BANK1: variants seen among roughly 807,000 people sequenced by gnomAD.
BANK1 encodes B cell scaffold protein with ankyrin repeats 1.
BANK1 carries 95 observed loss-of-function variants against 94.5 expected under a neutral mutation model. That is an observed-to-expected ratio of 1.00 (90% CI 0.85 to 1.19). The LOEUF is 1.19. Among genes scored for constraint, BANK1 ranks in the 50% most tolerant of loss-of-function variants. The pLI, the probability that BANK1 is intolerant of heterozygous loss-of-function variation, is 0.00. For missense variants in BANK1, 987 were observed against 932.2 expected, an observed-to-expected ratio of 1.06 and a Z score of -0.77; for synonymous variants, 334 against 308.4, an observed-to-expected ratio of 1.08 and a Z score of -0.87.
rs1409123226 is a variant in BANK1, at chr4:102,045,975, G to A, written c.1969+2068G>A. 2.2e-3 allele frequency among the ~76,000 whole-genome samples: 321 copies of A among 146,990 alleles called. 1 individual carries two copies. The highest frequency in any genetic ancestry group is 3.8e-3 in the Non-Finnish European group (255 of 66,634). ...TTCATATGGAACCAAAAAAGAGCCC[G>A]CATTGCCAAGTCAATCCTAAGCCAA... On this transcript the variant is annotated intron_variant, in intron 11 of 16. Coordinates refer to ENST00000322953, the MANE Select transcript of BANK1 (RefSeq NM_017935.5).
At chr4:101,958,670 G>T (rs541499018) in intron 7 of BANK1, among the ~76,000 whole-genome samples, 1 of 152,236 alleles carries the variant, frequency 6.6e-6, no homozygotes, top group Non-Finnish European at 1.5e-5. Context: ...AATGAATTCT[G>T]ATGAGCTAAG....
At chr4:102,010,391 C>A (rs916258866) in intron 7 of BANK1, among the ~76,000 whole-genome samples, 2 of 130,450 alleles carry the variant, frequency 1.5e-5, no homozygotes, top group South Asian at 2.5e-4. Flanking sequence ...TGATTAATTT[C>A]TTTTTTTTTT....
At chr4:101,913,499 A>G (rs1722735052) in intron 6 of BANK1, among the ~76,000 whole-genome samples, 1 of 152,200 alleles carries the variant, frequency 6.6e-6, no homozygotes, top group Admixed American at 6.5e-5. Context: ...CCACACATGG[A>G]CCGCAAGCTC....
intron 10 of BANK1, among the ~76,000 whole-genome samples, chr4:102,032,620 T>C (rs908786154): frequency 3.3e-5 from 5 of 152,068 alleles, no homozygotes; most frequent in Non-Finnish European, 5.9e-5. Context: ...TGGTGGATCA[T>C]GTCTGTAATC....
At chr4:101,944,324 G>A (rs959731934) in intron 7 of BANK1, among the ~76,000 whole-genome samples, 4 of 151,760 alleles carry the variant, frequency 2.6e-5, no homozygotes, top group African/African-American at 9.7e-5. Context: ...TCTTCCCTCA[G>A]CTTCAGCCAT....
intron 7 of BANK1, among the ~76,000 whole-genome samples, chr4:102,007,244 T>C (rs1726338186): frequency 6.9e-6 from 1 of 145,538 alleles, no homozygotes; most frequent in Non-Finnish European, 1.5e-5. Flanking sequence ...AAAATGTATA[T>C]CTGGACAGAT....
At chr4:101,882,949 A>G (rs547046832) in intron 5 of BANK1, among the ~76,000 whole-genome samples, 2 of 152,306 alleles carry the variant, frequency 1.3e-5, no homozygotes, top group East Asian at 1.9e-4. Context: ...TACTTGTTCC[A>G]TATTCCTGAT....
At chr4:101,924,062 GGTT>G (rs780629315) in intron 7 of BANK1, among the ~76,000 whole-genome samples, 45 of 151,690 alleles carry the variant, frequency 3.0e-4, no homozygotes, top group Middle Eastern at 3.2e-3. Context: ...GCTTTGCACA[GGTT>G]GTATGCTTAA....
chr4:101,881,214 A>G (rs1728663408), intron 5 of BANK1, among the ~76,000 whole-genome samples: 2 of 152,120 alleles, frequency 1.3e-5, no homozygotes, highest in Non-Finnish European at 1.5e-5. Flanking sequence ...AGGAGCTCAA[A>G]CAACCCTATG....
At chr4:102,015,676 C>T (rs1483884036) in intron 7 of BANK1, among the ~76,000 whole-genome samples, 1 of 152,128 alleles carries the variant, frequency 6.6e-6, no homozygotes, top group East Asian at 1.9e-4. Context: ...CAGAAACTTA[C>T]ATGCCATGTT....
At chr4:101,834,328 T>C (rs1042672203) in intron 2 of BANK1, among the ~76,000 whole-genome samples, 1 of 152,162 alleles carries the variant, frequency 6.6e-6, no homozygotes, top group Admixed American at 6.5e-5. Context: ...TTTCTTAGAG[T>C]AACTTAGATG....
chr4:101,793,741 C>A (rs555187682), intron 1 of BANK1, among the ~76,000 whole-genome samples: 1 of 152,130 alleles, frequency 6.6e-6, no homozygotes, highest in African/African-American at 2.4e-5. Flanking sequence ...GAGAAGAAAT[C>A]CTGTATATGA....
At chr4:101,950,018 GGTGTGTGT>G (rs6148602) in intron 7 of BANK1, among the ~76,000 whole-genome samples, 3,121 of 149,376 alleles carry the variant, frequency 0.021, 57 homozygotes, top group South Asian at 0.04. Context: ...GGAAGTAAGG[GGTGTGTGT>G]GTGTGTGTGT....
chr4:101,800,195 G>A (rs1362011924), intron 1 of BANK1, among the ~76,000 whole-genome samples: 1 of 151,436 alleles, frequency 6.6e-6, no homozygotes, highest in Admixed American at 6.6e-5. Context: ...ACAAGTTAAT[G>A]GGTGCAGCAC....
intron 7 of BANK1, among the ~76,000 whole-genome samples, chr4:101,993,790 T>C (rs892421898): frequency 1.3e-5 from 2 of 152,212 alleles, no homozygotes; most frequent in East Asian, 3.8e-4. Context: ...GTAGATGATG[T>C]AAAGCTTTTG....
intron 5 of BANK1, among the ~76,000 whole-genome samples, chr4:101,889,174 C>A (rs1238865859): frequency 1.3e-5 from 2 of 150,618 alleles, no homozygotes; most frequent in African/African-American, 4.8e-5. Context: ...TTCATTTCAT[C>A]TAAATCATCA....
chr4:101,945,518 G>T (rs1037153629), intron 7 of BANK1, among the ~76,000 whole-genome samples: 6 of 151,948 alleles, frequency 3.9e-5, no homozygotes, highest in Non-Finnish European at 7.4e-5. Context: ...ATACTGGAAA[G>T]ATTAACTATT....
chr4:101,827,892 T>G (rs1295553099), intron 1 of BANK1, among the ~76,000 whole-genome samples: 1 of 151,922 alleles, frequency 6.6e-6, no homozygotes, highest in Non-Finnish European at 1.5e-5. Flanking sequence ...ATATTATGAT[T>G]TCTTGATTTA....
intron 7 of BANK1, among the ~76,000 whole-genome samples, chr4:101,970,823 G>A (rs1365680282): frequency 6.6e-6 from 1 of 151,948 alleles, no homozygotes; most frequent in Non-Finnish European, 1.5e-5. Flanking sequence ...TGTTCCCTAG[G>A]GTCAACCCAG....
Sources: allele counts gnomAD v4.1 joint callset (sites outside exome capture counted in the v4.1 genomes callset), GRCh38; gene constraint gnomAD v4.1.1; transcripts MANE v1.5; gene names NCBI Gene and HGNC (gene_info 2026-07-23, HGNC 2026-07-21).